The following DENND1A variants were observed in gnomAD, a reference collection of about 807,000 sequenced individuals.
The protein encoded by DENND1A is DENN domain-containing protein 1A.
In DENND1A, 51 loss-of-function variants were observed where a neutral mutation model predicts 113.7. The observed-to-expected ratio is 0.45, with a 90% CI of 0.36 to 0.57. DENND1A has a LOEUF of 0.57. Among genes scored for constraint, DENND1A ranks in the 20% least tolerant of loss-of-function variants. The pLI is 0.00. For synonymous variants in DENND1A, 565 were observed against 570.8 expected (o/e 0.99, Z 0.14); for missense variants, 1,258 against 1,395.9 (o/e 0.90, Z 1.57).
chr9:123,759,414 A>ATTG (rs1186785180), intron 4 of DENND1A: 1 of 152,184 alleles, frequency 6.6e-6, no homozygotes, highest in Non-Finnish European at 1.5e-5. Flanking sequence ...AAGAAGTACT[A>ATTG]TTGTTGTTAT....
At chr9:123,614,642 A>G (rs1270136401) in intron 10 of DENND1A, among the ~76,000 whole-genome samples, 3 of 152,150 alleles carry the variant, frequency 2.0e-5, no homozygotes, top group Non-Finnish European at 4.4e-5. Flanking sequence ...GGGAGAGGAA[A>G]CAAGGGAGAG....
At chr9:123,626,060 GT>G (rs747259885) in intron 10 of DENND1A, among the ~76,000 whole-genome samples, 7 of 146,922 alleles carry the variant, frequency 4.8e-5, no homozygotes, top group South Asian at 2.2e-4. Flanking sequence ...GCTGGGTTTT[GT>G]TTTTTTTTTT....
At chr9:123,759,843 A>G (rs549403467) in intron 4 of DENND1A, 2 of 152,344 alleles carry the variant, frequency 1.3e-5, no homozygotes, top group South Asian at 4.1e-4. Flanking sequence ...TTGTCTTATA[A>G]TGGCAACAAA....
At position 123,764,174 on chromosome 9, in the gene DENND1A, G is replaced by T. The variant is rs1301683555; in HGVS notation, c.182+5340C>A. Reference sequence around the variant, plus strand: ...ATCATCAGAATAATCACATCACTTTGCAGAGTGGTTGCAGATTAGAGATAA... The same window carrying T: ...ATCATCAGAATAATCACATCACTTTTCAGAGTGGTTGCAGATTAGAGATAA... On this transcript the variant is annotated intron_variant, in intron 4 of 23. Coordinates refer to ENST00000394215, the MANE Select transcript of DENND1A (RefSeq NM_001352964.2). This position sits in a 1 kb window ranked among gnomAD's most constrained non-coding sequence, Gnocchi z 4.1. Among the ~76,000 whole-genome samples the T allele has an allele frequency of 1.3e-5, 2 of 152,136 alleles. No homozygotes were observed. Among genetic ancestry groups the T allele is most frequent in the African/African-American group, 2.4e-5 (1 of 41,410 alleles).
At chr9:123,493,699 C>T (rs1048463852) in intron 13 of DENND1A, among the ~76,000 whole-genome samples, 4 of 152,176 alleles carry the variant, frequency 2.6e-5, no homozygotes, top group Non-Finnish European at 5.9e-5. Context: ...CAAATTTAGA[C>T]ACTTTGCCCC....
chr9:123,436,873 G>A (rs765558570), intron 19 of DENND1A, among the ~76,000 whole-genome samples: 3 of 151,858 alleles, frequency 2.0e-5, no homozygotes, highest in Non-Finnish European at 4.4e-5. Context: ...TCACCCTTCC[G>A]AGCAGCTGGG....
chr9:123,576,746 C>T (rs1366127806), intron 12 of DENND1A, among the ~76,000 whole-genome samples: 2 of 152,122 alleles, frequency 1.3e-5, no homozygotes, highest in African/African-American at 2.4e-5. Context: ...TGCCTCAGTG[C>T]TTTCATTTTT....
intron 20 of DENND1A, among the ~76,000 whole-genome samples, chr9:123,407,410 G>A (rs927507235): frequency 7.9e-5 from 12 of 151,898 alleles, no homozygotes; most frequent in Non-Finnish European, 1.2e-4. Context: ...ACAGAGGCAC[G>A]CGCAAGAGGT....
intron 1 of DENND1A, among the ~76,000 whole-genome samples, chr9:123,906,270 T>C (rs1430042790): frequency 7.3e-6 from 1 of 137,534 alleles, no homozygotes; most frequent in Non-Finnish European, 1.5e-5. Context: ...GATCCAAAAT[T>C]GACACCCTAA....
At chr9:123,924,558 T>G (rs1419264263) in intron 1 of DENND1A, among the ~76,000 whole-genome samples, 1 of 149,084 alleles carries the variant, frequency 6.7e-6, no homozygotes, top group African/African-American at 2.5e-5. Flanking sequence ...GGCTGAGGCA[T>G]AAGAATCACC....
intron 18 of DENND1A, among the ~76,000 whole-genome samples, chr9:123,443,366 G>C (rs1471569487): frequency 6.6e-6 from 1 of 152,192 alleles, no homozygotes; most frequent in Non-Finnish European, 1.5e-5. Context: ...GTTGGGGTCT[G>C]GGTTCTCTAA....
At chr9:123,471,096 G>C (rs1013786786) in intron 13 of DENND1A, among the ~76,000 whole-genome samples, 1 of 152,190 alleles carries the variant, frequency 6.6e-6, no homozygotes. Context: ...TAATGTGAAT[G>C]TGTTGTTTCT....
At chr9:123,426,468 A>G (rs1564466746) in intron 19 of DENND1A, among the ~76,000 whole-genome samples, 1 of 152,194 alleles carries the variant, frequency 6.6e-6, no homozygotes, top group Non-Finnish European at 1.5e-5. Flanking sequence ...AGAAACCTGG[A>G]GCTCCCAGAA....
At chr9:123,611,409 G>A (rs909513858) in intron 10 of DENND1A, among the ~76,000 whole-genome samples, 4 of 152,132 alleles carry the variant, frequency 2.6e-5, no homozygotes, top group Non-Finnish European at 4.4e-5. Flanking sequence ...TCAGGAACAC[G>A]ACAGCTTCAA....
At chr9:123,514,226 G>A (rs755275834) in intron 13 of DENND1A, among the ~76,000 whole-genome samples, 1 of 152,050 alleles carries the variant, frequency 6.6e-6, no homozygotes. Flanking sequence ...GTGCAATGAG[G>A]AATGCACCAC....
intron 15 of DENND1A, among the ~76,000 whole-genome samples, chr9:123,455,066 C>A (rs1256296386): frequency 6.6e-6 from 1 of 152,156 alleles, no homozygotes; most frequent in Non-Finnish European, 1.5e-5. Flanking sequence ...AAGTGATCCA[C>A]CCGCCTTGGC....
At chr9:123,815,153 A>T (rs1469449454) in intron 2 of DENND1A, among the ~76,000 whole-genome samples, 2 of 152,190 alleles carry the variant, frequency 1.3e-5, no homozygotes, top group Non-Finnish European at 2.9e-5. Context: ...CTTCATAATA[A>T]AGATATCACA....
intron 5 of DENND1A, among the ~76,000 whole-genome samples, chr9:123,693,059 T>C (rs1318331404): frequency 1.3e-5 from 2 of 152,198 alleles, no homozygotes; most frequent in Non-Finnish European, 2.9e-5. Context: ...TTTTTAAAAA[T>C]CAACTTTGAA....
chr9:123,483,766 C>T (rs547656416), intron 13 of DENND1A, among the ~76,000 whole-genome samples: 5 of 152,262 alleles, frequency 3.3e-5, no homozygotes, highest in African/African-American at 1.2e-4. Context: ...CAGGTCAGTT[C>T]GTTTGTAAGA....
Sources: gnomAD v4.1 joint callset for allele counts (sites outside exome capture counted in the v4.1 genomes callset) on GRCh38, gnomAD v4.1.1 for gene constraint, Gnocchi (gnomAD v3.1) non-coding constraint, MANE v1.5 for transcripts, NCBI Gene and HGNC (gene_info 2026-07-23, HGNC 2026-07-21) for gene names.